Variants in ITSN1 observed in about 807,000 individuals in gnomAD.
ITSN1 encodes the protein intersectin-1.
Under a neutral mutation model 239.8 loss-of-function variants are expected in ITSN1, and 58 were observed. The ratio of observed to expected loss-of-function variants is 0.24; its 90% CI spans 0.20 to 0.30. The LOEUF is 0.30. Ranked by LOEUF, ITSN1 falls within the 10% of genes least tolerant of loss-of-function variation. The probability of loss-of-function intolerance (pLI) is 1.00; values close to 1 mark genes in which losing one functional copy is unlikely to be tolerated. For synonymous variants in ITSN1, 780 were observed against 770.8 expected (o/e 1.01, Z -0.20); for missense variants, 1,558 against 2,103.3 (o/e 0.74, Z 5.07).
chr21:33,681,993 C>G (rs1019949633), intron 1 of ITSN1, among the ~76,000 whole-genome samples: 2 of 151,154 alleles, frequency 1.3e-5, no homozygotes, highest in Admixed American at 6.6e-5. Context: ...TAGAGCAGTT[C>G]CTACAATAGC....
intron 3 of ITSN1, among the ~76,000 whole-genome samples, chr21:33,721,689 G>C (rs961802553): frequency 6.6e-6 from 1 of 151,540 alleles, no homozygotes; most frequent in African/African-American, 2.4e-5. Context: ...CAGCTACTTG[G>C]AGGCTGAGGC....
intron 20 of ITSN1, chr21:33,810,761 A>G: frequency 1.5e-6 from 1 of 677,762 alleles, no homozygotes; most frequent in Non-Finnish European, 2.7e-6. Context: ...GCTTTTTTAA[A>G]AAGTGCAGAG....
In ITSN1 at chr21:33,865,178, CG is replaced by C. The variant is rs1981342012; in HGVS notation, c.3922del (p.Glu1308ArgfsTer5). ...KALRVRKKMS[G>X]EKMPVKMIGD... ...CGCTGAGAGTCCGCAAGAAGATGTC[CG>C]GGGAGAAGATGCCTGTGAAGATGAT... On this transcript the variant is annotated frameshift_variant, in exon 32 of 40. Transcript: ENST00000381318. LOFTEE classifies it high-confidence loss of function. This position sits in a 1 kb window ranked among gnomAD's most constrained non-coding sequence, Gnocchi z 4.4. 1 of 1,613,664 alleles carries C rather than the reference CG, an allele frequency of 6.2e-7. No individual in the cohort carries two copies. Among genetic ancestry groups the C allele is most frequent in the African/African-American group, 1.3e-5 (1 of 74,890 alleles).
At chr21:33,676,891 T>C (rs2090626007) in intron 1 of ITSN1, among the ~76,000 whole-genome samples, 1 of 152,032 alleles carries the variant, frequency 6.6e-6, no homozygotes, top group African/African-American at 2.4e-5. Context: ...ATGGTGTATA[T>C]GTGCCACATT....
chr21:33,878,006 CTT>C (rs1491178250), intron 34 of ITSN1, among the ~76,000 whole-genome samples: 1 of 103,322 alleles, frequency 9.7e-6, no homozygotes, highest in African/African-American at 3.7e-5. Context: ...TTCTCTCTCT[CTT>C]TGTGTGTGTG....
chr21:33,688,939 T>A (rs1416424655), intron 1 of ITSN1, among the ~76,000 whole-genome samples: 2 of 151,950 alleles, frequency 1.3e-5, no homozygotes, highest in Non-Finnish European at 2.9e-5. Flanking sequence ...TCTCCTGTCT[T>A]AGCCTCCTGA....
Position 33,877,059 on chromosome 21 carries a change from C to T in ITSN1, c.4341+1538C>T, listed in dbSNP as rs369764117. Among the ~76,000 whole-genome samples, 47 of 106,392 alleles carry T rather than the reference C, an allele frequency of 4.4e-4. 2 individuals are homozygous for T. The highest frequency in any genetic ancestry group is 4.1e-4 in the Admixed American group (4 of 9,716). The allele number at this position is 106,392 out of a possible 152,430, so 69.8% of individuals were successfully genotyped here. On this transcript the variant is annotated intron_variant, in intron 34 of 39. Coordinates refer to ENST00000381318, the MANE Select transcript of ITSN1 (RefSeq NM_003024.3). ...TCCTTAGAACTTTACCTGTGGGCAC[C>T]TTTTTTTTTTTTGAAATGGAGTCTC...
chr21:33,752,226 A>C (rs1247710081), intron 7 of ITSN1, among the ~76,000 whole-genome samples: 1 of 152,138 alleles, frequency 6.6e-6, no homozygotes, highest in African/African-American at 2.4e-5. Context: ...TATAAGGGAA[A>C]AAAGCAAATG....
At position 33,827,393 on chromosome 21, in the gene ITSN1, C is replaced by CT. The variant is rs577666003; in HGVS notation, c.3229+531dup. The stretch of plus-strand genomic sequence containing the variant: ...CCAGCCTGGGCGATAGAACAAGACT[C>CT]TATCTCAAAAAATAAAATAAAATAA... On this transcript the variant is annotated intron_variant, in intron 26 of 39. Coordinates refer to ENST00000381318, the MANE Select transcript of ITSN1 (RefSeq NM_003024.3). Among the ~76,000 whole-genome samples the CT allele has an allele frequency of 3.3e-3, 499 of 151,938 alleles. 3 individuals are homozygous for CT. The highest frequency in any genetic ancestry group is 0.012 in the African/African-American group (485 of 41,450).
Position 33,755,401 on chromosome 21 carries a change from T to C in ITSN1, c.724+4T>C, listed in dbSNP as rs754274595. On this transcript the variant is annotated splice_donor_region_variant and intron_variant, in intron 8 of 39. Transcript: ENST00000381318. ...ACTATGAGTGGACACTTAACAGGTATTTACAAATAAAAATTAGTGAAATAT... is the reference window on the plus strand; with the variant it reads ...ACTATGAGTGGACACTTAACAGGTACTTACAAATAAAAATTAGTGAAATAT... 1.2e-5 allele frequency: 17 copies of C among 1,453,116 alleles called. No homozygotes were observed. Among genetic ancestry groups the C allele is most frequent in the Non-Finnish European group, 1.6e-5 (17 of 1,047,110 alleles). The allele number at this position is 1,453,116 out of a possible 1,614,324, so 90.0% of individuals were successfully genotyped here.
intron 14 of ITSN1, among the ~76,000 whole-genome samples, chr21:33,776,129 T>C (rs933581400): frequency 5.9e-5 from 9 of 152,218 alleles, no homozygotes; most frequent in African/African-American, 1.9e-4. Context: ...CTTTCCAGTG[T>C]GGAACTTTTA....
At chr21:33,866,861 G>T (rs539910001) in intron 32 of ITSN1, among the ~76,000 whole-genome samples, 1 of 152,122 alleles carries the variant, frequency 6.6e-6, no homozygotes, top group African/African-American at 2.4e-5. Context: ...TCCTCTAACC[G>T]TATAGTCTTG....
At chr21:33,867,906 G>C (rs1220125925) in intron 33 of ITSN1, among the ~76,000 whole-genome samples, 4 of 152,140 alleles carry the variant, frequency 2.6e-5, no homozygotes, top group South Asian at 2.1e-4. Flanking sequence ...GGAGTTGTTC[G>C]TTCCTCCCGG....
At chr21:33,784,401 G>A (rs1468632052) in intron 16 of ITSN1, among the ~76,000 whole-genome samples, 3 of 151,694 alleles carry the variant, frequency 2.0e-5, no homozygotes, top group Non-Finnish European at 4.4e-5. Flanking sequence ...TACTTGGGAA[G>A]CTGAGGTCAG....
At chr21:33,672,714 A>ATT (rs1280113093) in intron 1 of ITSN1, among the ~76,000 whole-genome samples, 7 of 142,690 alleles carry the variant, frequency 4.9e-5, no homozygotes, top group East Asian at 2.0e-4. Context: ...TATGGAAACG[A>ATT]TTTTTTTTTT....
At chr21:33,821,110 G>A (rs1324880991) in intron 24 of ITSN1, among the ~76,000 whole-genome samples, 2 of 152,140 alleles carry the variant, frequency 1.3e-5, no homozygotes, top group Non-Finnish European at 2.9e-5. Context: ...TCATTCCCTG[G>A]ATTAGTGATA....
intron 33 of ITSN1, among the ~76,000 whole-genome samples, chr21:33,870,431 G>A (rs1367136022): frequency 6.6e-6 from 1 of 152,162 alleles, no homozygotes; most frequent in Non-Finnish European, 1.5e-5. Flanking sequence ...TTCTTCCAGA[G>A]CACCCACAAA....
At chr21:33,699,787 G>A (rs2091932359) in intron 1 of ITSN1, among the ~76,000 whole-genome samples, 1 of 152,170 alleles carries the variant, frequency 6.6e-6, no homozygotes, top group South Asian at 2.1e-4. Context: ...TAGAGACAGT[G>A]TCTGACTGCC....
chr21:33,746,317 G>A (rs1214793080), intron 5 of ITSN1, among the ~76,000 whole-genome samples: 4 of 152,138 alleles, frequency 2.6e-5, no homozygotes, highest in South Asian at 2.1e-4. Flanking sequence ...TAACAGGAAA[G>A]TATTGTCTCA....
Sources: allele counts gnomAD v4.1 joint callset (sites outside exome capture counted in the v4.1 genomes callset), GRCh38; gene constraint gnomAD v4.1.1; non-coding constraint Gnocchi (gnomAD v3.1); transcripts MANE v1.5; gene names NCBI Gene and HGNC (gene_info 2026-07-23, HGNC 2026-07-21).